RBFOX1: variants seen among roughly 807,000 people sequenced by gnomAD.
RBFOX1 encodes RNA binding protein fox-1 homolog 1.
In RBFOX1, 8 loss-of-function variants were observed where a neutral mutation model predicts 57.7. That is an observed-to-expected ratio of 0.14 (90% CI 0.08 to 0.25). The LOEUF (loss-of-function observed/expected upper bound fraction) is 0.25, where lower values mean the gene tolerates loss of function less well. Among genes scored for constraint, RBFOX1 ranks in the 10% least tolerant of loss-of-function variants. The probability of loss-of-function intolerance (pLI) is 1.00; values close to 1 mark genes in which losing one functional copy is unlikely to be tolerated. For missense variants in RBFOX1, 611 were observed against 548.5 expected, an observed-to-expected ratio of 1.11 and a Z score of -1.14; for synonymous variants, 326 against 222.4, an observed-to-expected ratio of 1.47 and a Z score of -4.15.
intron 4 of RBFOX1, among the ~76,000 whole-genome samples, chr16:7,267,957 A>G (rs62014001): frequency 1.3e-5 from 2 of 152,142 alleles, no homozygotes; most frequent in African/African-American, 4.8e-5. Flanking sequence ...GCTCTGAGAA[A>G]CAAATCGTTA....
intron 1 of RBFOX1, among the ~76,000 whole-genome samples, chr16:6,285,884 G>C (rs532738250): frequency 6.6e-6 from 1 of 152,192 alleles, no homozygotes; most frequent in Admixed American, 6.5e-5. Flanking sequence ...ACCCAAGAAG[G>C]AACGCAACAA....
At chr16:7,556,651 A>G (rs1035167577) in intron 5 of RBFOX1, among the ~76,000 whole-genome samples, 2 of 152,256 alleles carry the variant, frequency 1.3e-5, no homozygotes, top group East Asian at 3.9e-4. Context: ...GTTCAGTTCT[A>G]AGACCTTAGT....
At chr16:6,540,346 G>GCTCA (rs529148369) in intron 2 of RBFOX1, among the ~76,000 whole-genome samples, 352 of 151,856 alleles carry the variant, frequency 2.3e-3, no homozygotes, top group African/African-American at 8.0e-3. Context: ...TAGCGTGGTG[G>GCTCA]CTCACACTTG....
At chr16:5,876,594 T>G (rs1464408784) in intron 4 of RBFOX1, among the ~76,000 whole-genome samples, 1 of 152,212 alleles carries the variant, frequency 6.6e-6, no homozygotes, top group East Asian at 1.9e-4. Context: ...TAAACCAGCC[T>G]CGTTGACTGC....
chr16:5,597,435 G>T (rs532892316), intron 2 of RBFOX1, among the ~76,000 whole-genome samples: 1 of 134,946 alleles, frequency 7.4e-6, no homozygotes, highest in Non-Finnish European at 1.5e-5. Context: ...TTTTGATCTC[G>T]TCGCTCAGGC....
At chr16:7,419,138 G>A (rs1312003766) in intron 4 of RBFOX1, among the ~76,000 whole-genome samples, 2 of 152,048 alleles carry the variant, frequency 1.3e-5, no homozygotes, top group African/African-American at 2.4e-5. Flanking sequence ...GAACTCCTGG[G>A]CTCAAGCAGT....
At chr16:5,725,561 C>T (rs967784112) in intron 3 of RBFOX1, among the ~76,000 whole-genome samples, 2 of 151,784 alleles carry the variant, frequency 1.3e-5, no homozygotes, top group Non-Finnish European at 1.5e-5. Flanking sequence ...CTGCACCCAG[C>T]TCATAGCTTA....
chr16:6,662,871 A>G (rs1268075673), intron 3 of RBFOX1, among the ~76,000 whole-genome samples: 2 of 152,220 alleles, frequency 1.3e-5, no homozygotes. Flanking sequence ...TTTCTTTAAA[A>G]CAAATACTCC....
intron 3 of RBFOX1, among the ~76,000 whole-genome samples, chr16:5,689,586 C>G (rs904415921): frequency 6.6e-6 from 1 of 152,160 alleles, no homozygotes; most frequent in African/African-American, 2.4e-5. Context: ...TAGAATATTT[C>G]TCTTTGTCCT....
At chr16:6,285,262 A>C (rs1190940538) in intron 1 of RBFOX1, among the ~76,000 whole-genome samples, 1 of 152,184 alleles carries the variant, frequency 6.6e-6, no homozygotes, top group Non-Finnish European at 1.5e-5. Context: ...ATTCTGCATA[A>C]GCCTCCATGA....
At chr16:6,676,990 C>G (rs557480993) in intron 3 of RBFOX1, among the ~76,000 whole-genome samples, 1 of 152,060 alleles carries the variant, frequency 6.6e-6, no homozygotes, top group African/African-American at 2.4e-5. Flanking sequence ...ACTCAACTTT[C>G]TATGCACAGA....
chr16:6,580,052 G>A (rs8045869), intron 2 of RBFOX1, among the ~76,000 whole-genome samples: 3,685 of 151,992 alleles, frequency 0.024, 137 homozygotes, highest in African/African-American at 0.083. Flanking sequence ...TCTGCCTCCC[G>A]GGTTCAAGTG....
At chr16:6,847,089 G>C (rs1221569524) in intron 3 of RBFOX1, among the ~76,000 whole-genome samples, 1 of 152,102 alleles carries the variant, frequency 6.6e-6, no homozygotes, top group Non-Finnish European at 1.5e-5. Flanking sequence ...CCTTCCCAGA[G>C]AACTTTATCT....
chr16:5,853,746 A>G (rs974398943), intron 3 of RBFOX1, among the ~76,000 whole-genome samples: 1 of 152,118 alleles, frequency 6.6e-6, no homozygotes, highest in Non-Finnish European at 1.5e-5. Context: ...AGCCTGCTGC[A>G]TTTCAAATTG....
chr16:5,840,723 C>T (rs569281352), intron 3 of RBFOX1, among the ~76,000 whole-genome samples: 4 of 152,262 alleles, frequency 2.6e-5, no homozygotes, highest in South Asian at 2.1e-4. Flanking sequence ...GCAGAAGGAG[C>T]CTTCTCACAG....
At chr16:7,035,652 C>T (rs532084051) in intron 3 of RBFOX1, among the ~76,000 whole-genome samples, 1 of 152,174 alleles carries the variant, frequency 6.6e-6, no homozygotes, top group South Asian at 2.1e-4. Flanking sequence ...TCATTACTTC[C>T]AGTGTCTAAT....
At chr16:6,887,423 C>T (rs1191088815) in intron 3 of RBFOX1, among the ~76,000 whole-genome samples, 2 of 152,170 alleles carry the variant, frequency 1.3e-5, no homozygotes, top group Admixed American at 6.5e-5. Flanking sequence ...GTTGTATCAT[C>T]TGTGGGCTCC....
intron 3 of RBFOX1, among the ~76,000 whole-genome samples, chr16:6,991,928 T>G (rs1443931748): frequency 6.6e-6 from 1 of 152,198 alleles, no homozygotes; most frequent in Non-Finnish European, 1.5e-5. Context: ...AGTTTCTGAT[T>G]CAATCAATAG....
chr16:6,460,162 G>C (rs2094882642), intron 2 of RBFOX1, among the ~76,000 whole-genome samples: 1 of 151,920 alleles, frequency 6.6e-6, no homozygotes, highest in African/African-American at 2.4e-5. Context: ...CATAGTTCTG[G>C]AGGCTGGACA....
Sources: allele counts gnomAD v4.1 joint callset (sites outside exome capture counted in the v4.1 genomes callset), GRCh38; gene constraint gnomAD v4.1.1; transcripts MANE v1.5; gene names NCBI Gene and HGNC (gene_info 2026-07-23, HGNC 2026-07-21).